GRIN2A: variants seen among roughly 807,000 people sequenced by gnomAD.
The protein encoded by GRIN2A is glutamate ionotropic receptor NMDA type subunit 2A, also known as glutamate receptor ionotropic, NMDA 2A.
Under a neutral mutation model 113.4 loss-of-function variants are expected in GRIN2A, and 22 were observed. That is an observed-to-expected ratio of 0.19 (90% CI 0.14 to 0.28). The LOEUF (loss-of-function observed/expected upper bound fraction) is 0.28, where lower values mean the gene tolerates loss of function less well. Among genes scored for constraint, GRIN2A ranks in the 10% least tolerant of loss-of-function variants. The probability of loss-of-function intolerance (pLI) is 1.00; values close to 1 mark genes in which losing one functional copy is unlikely to be tolerated. For synonymous variants in GRIN2A, 827 were observed against 738.4 expected (o/e 1.12, Z -1.94); for missense variants, 1,502 against 1,887.0 (o/e 0.80, Z 3.78).
intron 4 of GRIN2A, among the ~76,000 whole-genome samples, chr16:9,885,748 C>T (rs544594648): frequency 7.2e-5 from 11 of 152,138 alleles, no homozygotes; most frequent in African/African-American, 2.7e-4. Context: ...AAGGGTAACA[C>T]GACTGGTATT....
intron 2 of GRIN2A, among the ~76,000 whole-genome samples, chr16:10,095,854 T>C (rs2048279920): frequency 6.6e-6 from 1 of 152,046 alleles, no homozygotes; most frequent in South Asian, 2.1e-4. Context: ...ACAATATCAC[T>C]TCAGTGATAT....
intron 3 of GRIN2A, among the ~76,000 whole-genome samples, chr16:9,892,027 G>A (rs556534275): frequency 2.0e-5 from 3 of 152,202 alleles, no homozygotes; most frequent in Admixed American, 6.5e-5. Flanking sequence ...TCAGGAGTTC[G>A]AGACCAGCCT....
chr16:10,161,522 AT>A (rs773045271), intron 2 of GRIN2A, among the ~76,000 whole-genome samples: 1 of 152,244 alleles, frequency 6.6e-6, no homozygotes, highest in Non-Finnish European at 1.5e-5. Context: ...CAAAATCTGC[AT>A]GAATTTTTAA....
chr16:10,078,870 C>T (rs1194185800), intron 2 of GRIN2A, among the ~76,000 whole-genome samples: 1 of 152,212 alleles, frequency 6.6e-6, no homozygotes, highest in Non-Finnish European at 1.5e-5. Flanking sequence ...GGCTGACTGA[C>T]TGCCTGCCAC....
chr16:10,107,108 A>G (rs150991723), intron 2 of GRIN2A, among the ~76,000 whole-genome samples: 49 of 152,310 alleles, frequency 3.2e-4, no homozygotes, highest in African/African-American at 1.1e-3. Flanking sequence ...TAGGATGATG[A>G]CTGGATTTCC....
intron 5 of GRIN2A, among the ~76,000 whole-genome samples, chr16:9,842,426 G>A (rs2042697012): frequency 6.6e-6 from 1 of 152,178 alleles, no homozygotes; most frequent in African/African-American, 2.4e-5. Flanking sequence ...TCATGAATAT[G>A]TTCTCTGTTT....
At chr16:10,090,085 A>G (rs1018047067) in intron 2 of GRIN2A, among the ~76,000 whole-genome samples, 2 of 152,208 alleles carry the variant, frequency 1.3e-5, no homozygotes, top group East Asian at 3.8e-4. Flanking sequence ...CCTACCAGGC[A>G]TTATATGAGG....
chr16:10,131,854 G>A (rs997438457), intron 2 of GRIN2A, among the ~76,000 whole-genome samples: 1 of 152,026 alleles, frequency 6.6e-6, no homozygotes, highest in Non-Finnish European at 1.5e-5. Context: ...AGAGTAATTC[G>A]CCATTATTAT....
At chr16:9,902,507 C>T (rs1356073759) in intron 3 of GRIN2A, among the ~76,000 whole-genome samples, 3 of 152,194 alleles carry the variant, frequency 2.0e-5, no homozygotes, top group Non-Finnish European at 4.4e-5. Context: ...TGCCTATCTT[C>T]TTTAAGCTAC....
chr16:9,777,857 A>G (rs1365789241), intron 11 of GRIN2A, among the ~76,000 whole-genome samples: 1 of 152,242 alleles, frequency 6.6e-6, no homozygotes, highest in East Asian at 1.9e-4. Flanking sequence ...TGGGGTCAGG[A>G]GTTTGAGACC....
At chr16:9,903,643 T>C (rs2043976293) in intron 3 of GRIN2A, among the ~76,000 whole-genome samples, 1 of 152,180 alleles carries the variant, frequency 6.6e-6, no homozygotes, top group Admixed American at 6.5e-5. Flanking sequence ...CATGATCATC[T>C]CAAATAATAC....
chr16:9,810,967 G>A (rs78151680), intron 10 of GRIN2A, among the ~76,000 whole-genome samples: 3,281 of 152,262 alleles, frequency 0.022, 61 homozygotes, highest in Admixed American at 0.049. Flanking sequence ...CCTAACCTGT[G>A]TTAGAGGCTT....
chr16:10,153,783 C>T (rs984830933), intron 2 of GRIN2A, among the ~76,000 whole-genome samples: 5 of 152,182 alleles, frequency 3.3e-5, no homozygotes, highest in Non-Finnish European at 7.4e-5. Context: ...ACTTGGACAA[C>T]TGAGACGGAA....
At chr16:10,078,847 A>C (rs1567282950) in intron 2 of GRIN2A, among the ~76,000 whole-genome samples, 1 of 152,212 alleles carries the variant, frequency 6.6e-6, no homozygotes, top group Non-Finnish European at 1.5e-5. Flanking sequence ...GAAAGGGAGC[A>C]TGCTGACTGA....
intron 10 of GRIN2A, among the ~76,000 whole-genome samples, chr16:9,811,018 C>T (rs2042076846): frequency 6.6e-6 from 1 of 152,184 alleles, no homozygotes; most frequent in Non-Finnish European, 1.5e-5. Flanking sequence ...AAACTCACTT[C>T]TCCCTGCAGC....
intron 2 of GRIN2A, chr16:10,179,788 A>C: frequency 3.3e-6 from 2 of 602,286 alleles, no homozygotes; most frequent in Non-Finnish European, 6.0e-6. Context: ...TGTGTACACC[A>C]TTTTCAGAAA....
At chr16:9,793,903 A>G (rs12919420) in intron 11 of GRIN2A, among the ~76,000 whole-genome samples, 4,315 of 152,280 alleles carry the variant, frequency 0.028, 83 homozygotes, top group Middle Eastern at 0.1. Flanking sequence ...AGGATTAGAT[A>G]TTTTGCATTT....
At chr16:10,089,517 G>T (rs9925689) in intron 2 of GRIN2A, among the ~76,000 whole-genome samples, 1 of 152,088 alleles carries the variant, frequency 6.6e-6, no homozygotes, top group Non-Finnish European at 1.5e-5. Flanking sequence ...GTTTAGGAAC[G>T]ATTTTTCTAA....
chr16:10,134,138 G>T (rs372667495), intron 2 of GRIN2A, among the ~76,000 whole-genome samples: 1 of 149,074 alleles, frequency 6.7e-6, no homozygotes, highest in African/African-American at 2.5e-5. Flanking sequence ...CGAAGGTGCA[G>T]TGAGTGATCA....
Sources: gnomAD v4.1 joint callset for allele counts (sites outside exome capture counted in the v4.1 genomes callset) on GRCh38, gnomAD v4.1.1 for gene constraint, MANE v1.5 for transcripts, NCBI Gene and HGNC (gene_info 2026-07-23, HGNC 2026-07-21) for gene names.